The following ARID2 variants were observed in gnomAD, a reference collection of about 807,000 sequenced individuals.
ARID2 encodes the protein AT-rich interactive domain-containing protein 2.
A neutral mutation model predicts 184.6 loss-of-function variants in ARID2; 32 were observed. The observed-to-expected ratio is 0.17, with a 90% CI of 0.13 to 0.23. The LOEUF is 0.23. ARID2 is among the 10% of genes least tolerant of loss of function. ARID2 has a pLI of 1.00. For missense variants in ARID2, 1,696 were observed against 2,197.6 expected (o/e 0.77, Z 4.56); for synonymous variants, 836 against 772.6 (o/e 1.08, Z -1.36).
chr12:45,877,185 C>T (rs575712966), intron 16 of ARID2, among the ~76,000 whole-genome samples: 16 of 152,012 alleles, frequency 1.1e-4, no homozygotes, highest in Admixed American at 7.2e-4. Flanking sequence ...GGTACTGGTC[C>T]GTGGCCTGTT....
intron 15 of ARID2, among the ~76,000 whole-genome samples, chr12:45,854,769 A>T (rs1285190673): frequency 6.6e-6 from 1 of 152,254 alleles, no homozygotes; most frequent in African/African-American, 2.4e-5. Context: ...AGTCAGTAAT[A>T]TCACAATTAC....
intron 20 of ARID2, chr12:45,904,230 T>C (rs1944492833): frequency 1.6e-6 from 1 of 607,646 alleles, no homozygotes; most frequent in African/African-American, 1.9e-5. Context: ...TAATGAAGAC[T>C]AAGAAGCTTT....
intron 3 of ARID2, among the ~76,000 whole-genome samples, chr12:45,768,586 A>T (rs1035170785): frequency 1.3e-5 from 2 of 152,192 alleles, no homozygotes; most frequent in Non-Finnish European, 2.9e-5. Flanking sequence ...GGAGAAGTTC[A>T]GGCCTAAGAG....
chr12:45,752,232 C>T (rs989867948), intron 3 of ARID2, among the ~76,000 whole-genome samples: 1 of 152,088 alleles, frequency 6.6e-6, no homozygotes, highest in Non-Finnish European at 1.5e-5. Flanking sequence ...AACATCTTGG[C>T]GTATTTTTTT....
intron 20 of ARID2, 41 bp from the exon 21 acceptor site, chr12:45,904,893 T>C: frequency 6.2e-7 from 1 of 1,604,210 alleles, no homozygotes; most frequent in South Asian, 1.1e-5. Flanking sequence ...GTCATCGCTG[T>C]GACCTTGGAG....
chr12:45,899,697 A>ATATATATATGGTTATATATATATATGGT (rs1565644923), intron 20 of ARID2, among the ~76,000 whole-genome samples: 4 of 105,516 alleles, frequency 3.8e-5, no homozygotes, highest in African/African-American at 1.9e-4. Context: ...ATATATGGTT[A>ATATATATATGGTTATATATATATATGGT]TATATATATA....
chr12:45,880,278 T>C (rs1192669846), intron 16 of ARID2, among the ~76,000 whole-genome samples: 1 of 152,232 alleles, frequency 6.6e-6, no homozygotes, highest in Non-Finnish European at 1.5e-5. Context: ...ACCAGGAATA[T>C]AGAGGATCTC....
chr12:45,855,527 G>C (rs1038864474), intron 15 of ARID2, among the ~76,000 whole-genome samples: 14 of 152,068 alleles, frequency 9.2e-5, no homozygotes, highest in African/African-American at 2.7e-4. Context: ...TTAGTAATGG[G>C]GAAGGTATGC....
chr12:45,805,102 T>G (rs2138073710), intron 3 of ARID2, among the ~76,000 whole-genome samples: 1 of 152,236 alleles, frequency 6.6e-6, no homozygotes, highest in East Asian at 1.9e-4. Flanking sequence ...TTGTGTTGTT[T>G]CCAGTTGGTT....
intron 3 of ARID2, among the ~76,000 whole-genome samples, chr12:45,791,606 T>A (rs544572625): frequency 6.6e-6 from 1 of 152,180 alleles, no homozygotes; most frequent in South Asian, 2.1e-4. Context: ...GATTGATTGA[T>A]TGTTTGAGAA....
chr12:45,873,786 C>G (rs560245257), intron 16 of ARID2, among the ~76,000 whole-genome samples: 3 of 152,296 alleles, frequency 2.0e-5, no homozygotes, highest in Non-Finnish European at 2.9e-5. Context: ...GCTAAAGATG[C>G]TAATGATCAT....
chr12:45,858,037 G>A (rs1297601487), intron 15 of ARID2, among the ~76,000 whole-genome samples: 6 of 152,186 alleles, frequency 3.9e-5, no homozygotes, highest in Non-Finnish European at 8.8e-5. Context: ...TGGGATTATA[G>A]GCATGAGCCA....
intron 15 of ARID2, 23 bp from the exon 16 acceptor site, chr12:45,860,776 ACT>A (rs2138192165): frequency 6.8e-7 from 1 of 1,470,042 alleles, no homozygotes; most frequent in Non-Finnish European, 9.0e-7. Context: ...CATGTCACAA[ACT>A]CTGCATTTGT....
chr12:45,763,038 T>C (rs909737414), intron 3 of ARID2, among the ~76,000 whole-genome samples: 5 of 152,258 alleles, frequency 3.3e-5, no homozygotes, highest in African/African-American at 9.6e-5. Context: ...GTTTTATGTA[T>C]GTAATGTTGG....
chr12:45,730,188 A>C (rs767198732), intron 2 of ARID2, 51 bp downstream of exon 2: 1 of 1,592,706 alleles, frequency 6.3e-7, no homozygotes, highest in Admixed American at 1.7e-5. Context: ...TCCTCCAAAA[A>C]GTCTCCTTTG....
intron 16 of ARID2, among the ~76,000 whole-genome samples, chr12:45,888,125 G>A (rs1944227056): frequency 6.6e-6 from 1 of 151,744 alleles, no homozygotes. Context: ...AACCTGGGAG[G>A]CGGAGCTTGC....
intron 16 of ARID2, among the ~76,000 whole-genome samples, chr12:45,870,597 A>G (rs945872927): frequency 4.6e-5 from 7 of 151,986 alleles, no homozygotes; most frequent in Non-Finnish European, 1.0e-4. Context: ...TGCTTTACCT[A>G]TTTATTCCTC....
chr12:45,828,253 A>G (rs1006917150), intron 6 of ARID2, among the ~76,000 whole-genome samples: 1 of 151,846 alleles, frequency 6.6e-6, no homozygotes, highest in African/African-American at 2.4e-5. Context: ...CTTTTGTTCA[A>G]CATCATGTTT....
chr12:45,771,062 C>CA (rs1398013826), intron 3 of ARID2, among the ~76,000 whole-genome samples: 1 of 152,072 alleles, frequency 6.6e-6, no homozygotes, highest in Non-Finnish European at 1.5e-5. Flanking sequence ...TCCACACACA[C>CA]AAAATTGACA....
Sources: gnomAD v4.1 joint callset for allele counts (sites outside exome capture counted in the v4.1 genomes callset) on GRCh38, gnomAD v4.1.1 for gene constraint, MANE v1.5 for transcripts, NCBI Gene and HGNC (gene_info 2026-07-23, HGNC 2026-07-21) for gene names.